Variants in WDR59 observed in about 807,000 individuals in gnomAD.
The protein encoded by WDR59 is GATOR2 complex protein WDR59.
A neutral mutation model predicts 131.2 loss-of-function variants in WDR59; 100 were observed. The ratio of observed to expected loss-of-function variants is 0.76; its 90% CI spans 0.65 to 0.90. The LOEUF (loss-of-function observed/expected upper bound fraction) is 0.90, where lower values mean the gene tolerates loss of function less well. Among genes scored for constraint, WDR59 ranks in the 40% least tolerant of loss-of-function variants. WDR59 has a pLI of 0.00. For missense variants in WDR59, 1,203 were observed against 1,262.2 expected (o/e 0.95, Z 0.71); for synonymous variants, 601 against 466.2 (o/e 1.29, Z -3.72).
chr16:74,977,191 G>A (rs886918510), intron 1 of WDR59, among the ~76,000 whole-genome samples: 6 of 151,940 alleles, frequency 3.9e-5, no homozygotes, highest in Admixed American at 1.3e-4. Flanking sequence ...CACCATGATC[G>A]TGACTGTGAA....
rs145225293 is a variant in WDR59 at position 74,877,575 on chromosome 16, G to A, written c.2690-3131C>T. 4.7e-3 allele frequency among the ~76,000 whole-genome samples: 715 copies of A among 152,094 alleles called. 5 individuals carry two copies. The highest frequency in any genetic ancestry group is 0.016 in the African/African-American group (676 of 41,510). On this transcript the variant is annotated intron_variant, in intron 25 of 25. Coordinates refer to ENST00000262144, the MANE Select transcript of WDR59 (RefSeq NM_030581.4). ...TTTATTTATTTTGAAACGAAGTCTC[G>A]CTCTTGTCACCCAGGCTGGAGTGCA...
intron 7 of WDR59, among the ~76,000 whole-genome samples, chr16:74,940,946 C>CA (rs2032171502): frequency 6.6e-6 from 1 of 151,966 alleles, no homozygotes; most frequent in African/African-American, 2.4e-5. Flanking sequence ...CCTCGTGATC[C>CA]ACCCGCCTCA....
chr16:74,956,036 G>A (rs534483287), intron 3 of WDR59, among the ~76,000 whole-genome samples: 1 of 152,090 alleles, frequency 6.6e-6, no homozygotes, highest in Non-Finnish European at 1.5e-5. Flanking sequence ...AATCAAGGAA[G>A]AATCCCTTCC....
intron 6 of WDR59, among the ~76,000 whole-genome samples, chr16:74,945,258 T>C (rs897323205): frequency 4.6e-5 from 7 of 151,828 alleles, no homozygotes; most frequent in South Asian, 4.2e-4. Context: ...GGGTGGATCA[T>C]GAGGTCAGGA....
intron 10 of WDR59, among the ~76,000 whole-genome samples, chr16:74,918,938 A>C (rs949847292): frequency 6.6e-6 from 1 of 152,192 alleles, no homozygotes; most frequent in African/African-American, 2.4e-5. Context: ...AGCCAGCCAG[A>C]CAGCAACTAT....
chr16:74,943,482 T>C (rs770546425), intron 6 of WDR59, among the ~76,000 whole-genome samples: 35 of 152,132 alleles, frequency 2.3e-4, no homozygotes, highest in Admixed American at 6.6e-4. Context: ...CAGAGTGTCA[T>C]TGATACATTA....
chr16:74,893,889 G>T, intron 18 of WDR59, 77 bp from the exon 19 acceptor site: 1 of 1,514,760 alleles, frequency 6.6e-7, no homozygotes, highest in Non-Finnish European at 9.0e-7. Context: ...TCATCATATT[G>T]GGGTCATTGG....
At chr16:74,885,616 C>T (rs1415082873) in intron 25 of WDR59, 37 bp downstream of exon 25, 1 of 1,608,068 alleles carries the variant, frequency 6.2e-7, no homozygotes, top group South Asian at 1.1e-5. Flanking sequence ...CAGGATCTTT[C>T]AGACAGTGAA....
At chr16:74,983,279 C>G (rs2034498608) in intron 1 of WDR59, among the ~76,000 whole-genome samples, 1 of 151,962 alleles carries the variant, frequency 6.6e-6, no homozygotes, top group Non-Finnish European at 1.5e-5. Flanking sequence ...TCAAGACCAG[C>G]CTGGCCAACA....
chr16:74,979,943 G>A (rs1056443605), intron 1 of WDR59, among the ~76,000 whole-genome samples: 1 of 147,312 alleles, frequency 6.8e-6, no homozygotes, highest in African/African-American at 2.5e-5. Context: ...CCAACTCCTG[G>A]GCTCAAGCAA....
At chr16:74,928,860 G>A (rs1888156120) in intron 8 of WDR59, among the ~76,000 whole-genome samples, 2 of 152,048 alleles carry the variant, frequency 1.3e-5, no homozygotes, top group Admixed American at 1.3e-4. Context: ...AGTGAGCTGA[G>A]ATCACACCAC....
At chr16:74,957,900 G>T (rs1414437650) in intron 2 of WDR59, among the ~76,000 whole-genome samples, 3 of 152,170 alleles carry the variant, frequency 2.0e-5, no homozygotes, top group Non-Finnish European at 4.4e-5. Flanking sequence ...GGGAGAAGAA[G>T]AAAAGCCAGG....
chr16:74,921,148 A>C (rs1332551905), intron 10 of WDR59, among the ~76,000 whole-genome samples: 1 of 152,106 alleles, frequency 6.6e-6, no homozygotes, highest in East Asian at 1.9e-4. Flanking sequence ...TTACAAAGGC[A>C]AACTCCTGTC....
At chr16:74,927,021 G>A (rs2030881868) in intron 8 of WDR59, among the ~76,000 whole-genome samples, 1 of 152,196 alleles carries the variant, frequency 6.6e-6, no homozygotes, top group South Asian at 2.1e-4. Context: ...CAGCACATAT[G>A]AACGGGCAAA....
intron 8 of WDR59, among the ~76,000 whole-genome samples, chr16:74,936,812 G>A (rs2031836855): frequency 6.6e-6 from 1 of 151,990 alleles, no homozygotes; most frequent in Non-Finnish European, 1.5e-5. Flanking sequence ...GTGACAAAGT[G>A]AGACCCAGTC....
intron 6 of WDR59, among the ~76,000 whole-genome samples, chr16:74,946,160 TTTA>T (rs1332958965): frequency 6.6e-6 from 1 of 152,176 alleles, no homozygotes; most frequent in Non-Finnish European, 1.5e-5. Flanking sequence ...ACTGTTCTAT[TTTA>T]TTATTATTAG....
At chr16:74,922,795 A>G (rs1477023901) in intron 9 of WDR59, among the ~76,000 whole-genome samples, 1 of 152,206 alleles carries the variant, frequency 6.6e-6, no homozygotes, top group Non-Finnish European at 1.5e-5. Flanking sequence ...AAACATATTA[A>G]TCCAGAAAAG....
At chr16:74,979,556 T>G (rs1433986746) in intron 1 of WDR59, among the ~76,000 whole-genome samples, 1 of 151,716 alleles carries the variant, frequency 6.6e-6, no homozygotes, top group Non-Finnish European at 1.5e-5. Flanking sequence ...TTTTGTTTTT[T>G]TCAGATGGAG....
intron 7 of WDR59, among the ~76,000 whole-genome samples, chr16:74,942,484 G>A (rs1400662602): frequency 1.3e-5 from 2 of 152,084 alleles, no homozygotes; most frequent in Non-Finnish European, 2.9e-5. Context: ...TGGCTTACCT[G>A]GTGTCATAAT....
Sources: allele counts gnomAD v4.1 joint callset (sites outside exome capture counted in the v4.1 genomes callset), GRCh38; gene constraint gnomAD v4.1.1; transcripts MANE v1.5; gene names NCBI Gene and HGNC (gene_info 2026-07-23, HGNC 2026-07-21).